TFDP2: variants seen among roughly 807,000 people sequenced by gnomAD.
TFDP2 encodes the protein transcription factor Dp-2 (E2F dimerization partner 2).
In TFDP2, 17 loss-of-function variants were observed where a neutral mutation model predicts 59.3. That is an observed-to-expected ratio of 0.29 (90% CI 0.20 to 0.43). The LOEUF (loss-of-function observed/expected upper bound fraction) is 0.43. Ranked by LOEUF, TFDP2 falls within the 20% of genes least tolerant of loss-of-function variation. The probability of loss-of-function intolerance (pLI) is 1.00; values close to 1 mark genes in which losing one functional copy is unlikely to be tolerated. For synonymous variants in TFDP2, 180 were observed against 194.7 expected (o/e 0.92, Z 0.63); for missense variants, 391 against 528.8 (o/e 0.74, Z 2.56).
intron 3 of TFDP2, among the ~76,000 whole-genome samples, chr3:142,055,396 A>T (rs2059705947): frequency 6.6e-6 from 1 of 152,126 alleles, no homozygotes; most frequent in Non-Finnish European, 1.5e-5. Flanking sequence ...TTCATTAGGG[A>T]TTTGCTGTGT....
At chr3:142,090,460 T>A (rs2060962077) in intron 3 of TFDP2, among the ~76,000 whole-genome samples, 1 of 152,166 alleles carries the variant, frequency 6.6e-6, no homozygotes, top group Admixed American at 6.5e-5. Context: ...GTACTTACCC[T>A]TCAGATGCCT....
intron 3 of TFDP2, among the ~76,000 whole-genome samples, chr3:142,036,482 T>G (rs113304752): frequency 0.018 from 2,720 of 152,364 alleles, 38 homozygotes; most frequent in South Asian, 0.032. Flanking sequence ...CTTTGTAATT[T>G]GCATGTCTGT....
chr3:142,041,053 G>C (rs1233052253), intron 3 of TFDP2, among the ~76,000 whole-genome samples: 1 of 152,140 alleles, frequency 6.6e-6, no homozygotes, highest in Non-Finnish European at 1.5e-5. Context: ...AACTGTAACT[G>C]TGAGTATAAC....
intron 3 of TFDP2, among the ~76,000 whole-genome samples, chr3:142,009,289 A>T (rs1944452238): frequency 6.6e-6 from 1 of 152,188 alleles, no homozygotes; most frequent in African/African-American, 2.4e-5. Context: ...TCCAACCAAG[A>T]TCATAACTCA....
intron 3 of TFDP2, among the ~76,000 whole-genome samples, chr3:142,011,645 C>A (rs202049216): frequency 0.2 from 17,036 of 83,778 alleles, 1,138 homozygotes; most frequent in East Asian, 0.28. Context: ...AAAAAAAAAA[C>A]AACAAACTTT....
At chr3:141,974,677 G>C (rs1940328150) in intron 7 of TFDP2, among the ~76,000 whole-genome samples, 1 of 152,042 alleles carries the variant, frequency 6.6e-6, no homozygotes, top group Non-Finnish European at 1.5e-5. Context: ...GGTATTGGAG[G>C]TAAAGTGTTC....
chr3:142,036,190 T>C (rs571357216), intron 3 of TFDP2, among the ~76,000 whole-genome samples: 2 of 152,218 alleles, frequency 1.3e-5, no homozygotes, highest in Non-Finnish European at 2.9e-5. Context: ...AAATAGATAA[T>C]ACAAGGTCCT....
At chr3:142,070,817 G>A (rs1295638360) in intron 3 of TFDP2, among the ~76,000 whole-genome samples, 1 of 151,982 alleles carries the variant, frequency 6.6e-6, no homozygotes, top group Non-Finnish European at 1.5e-5. Flanking sequence ...TTATATTCTT[G>A]CTCCTGGTAC....
At chr3:142,118,485 CG>C (rs2061923653) in intron 1 of TFDP2, among the ~76,000 whole-genome samples, 1 of 151,820 alleles carries the variant, frequency 6.6e-6, no homozygotes, top group Non-Finnish European at 1.5e-5. Flanking sequence ...GACCTTGAAT[CG>C]GAAGTACAAA....
At position 142,149,302 on chromosome 3, in the gene TFDP2, G is replaced by A. The variant is rs2063301678; in HGVS notation, c.-212C>T. 2 of 395,664 alleles carry A rather than the reference G, an allele frequency of 5.1e-6. No individual in the cohort carries two copies. Among genetic ancestry groups the A allele is most frequent in the Admixed American group, 8.8e-5 (2 of 22,628 alleles). 24.5% of individuals were successfully genotyped at this position (395,664 alleles called of 1,614,324 possible). On this transcript the variant is annotated 5_prime_UTR_variant, in exon 1 of 13. Coordinates refer to ENST00000489671, the MANE Select transcript of TFDP2 (RefSeq NM_001178139.2). ...CTTAGGCGGCGGCCGGGTCCCGGTG[G>A]ACTCACACCCGGGGAGACGCGGCCT...
intron 1 of TFDP2, among the ~76,000 whole-genome samples, chr3:142,114,154 G>A (rs974844481): frequency 2.0e-5 from 3 of 148,258 alleles, no homozygotes; most frequent in Non-Finnish European, 4.4e-5. Flanking sequence ...GACAAAGCGA[G>A]AATCCGTCTC....
intron 1 of TFDP2, among the ~76,000 whole-genome samples, chr3:142,109,064 T>C (rs964591798): frequency 6.6e-6 from 1 of 152,238 alleles, no homozygotes; most frequent in Non-Finnish European, 1.5e-5. Flanking sequence ...ATTTCTGTGA[T>C]AATCAGATTG....
intron 6 of TFDP2, among the ~76,000 whole-genome samples, chr3:141,985,530 A>AC (rs1941993870): frequency 6.6e-6 from 1 of 151,458 alleles, no homozygotes; most frequent in African/African-American, 2.4e-5. Context: ...AAAAAAAAAA[A>AC]AAAAAAAAAA....
At chr3:142,079,170 G>A (rs1398027543) in intron 3 of TFDP2, among the ~76,000 whole-genome samples, 1 of 152,038 alleles carries the variant, frequency 6.6e-6, no homozygotes, top group Admixed American at 6.6e-5. Flanking sequence ...GGGTGTGCTG[G>A]CGGGCACCTG....
chr3:142,045,611 A>G (rs1310220863), intron 3 of TFDP2, among the ~76,000 whole-genome samples: 2 of 81,672 alleles, frequency 2.4e-5, no homozygotes, highest in South Asian at 9.1e-4. Flanking sequence ...GTATTATTTG[A>G]CTTTTTTTTT....
At chr3:142,018,317 A>C (rs1248550435) in intron 3 of TFDP2, among the ~76,000 whole-genome samples, 3 of 152,178 alleles carry the variant, frequency 2.0e-5, no homozygotes, top group Non-Finnish European at 4.4e-5. Flanking sequence ...GCTCCTGAGT[A>C]ATGGAAAAGT....
chr3:142,066,650 A>G (rs959638951), intron 3 of TFDP2, among the ~76,000 whole-genome samples: 3 of 152,160 alleles, frequency 2.0e-5, no homozygotes, highest in Non-Finnish European at 4.4e-5. Context: ...AACCATCGTT[A>G]AGTTGGGGAT....
At chr3:142,130,747 T>C (rs1577053460) in intron 1 of TFDP2, among the ~76,000 whole-genome samples, 1 of 152,040 alleles carries the variant, frequency 6.6e-6, no homozygotes, top group African/African-American at 2.4e-5. Context: ...CACTGAACTG[T>C]GTACTTAAAA....
At chr3:142,082,637 A>C (rs1009536343) in intron 3 of TFDP2, among the ~76,000 whole-genome samples, 4 of 152,144 alleles carry the variant, frequency 2.6e-5, no homozygotes, top group Non-Finnish European at 4.4e-5. Context: ...ATACTACTAA[A>C]CCGTATTCAA....
Sources: allele counts gnomAD v4.1 joint callset (sites outside exome capture counted in the v4.1 genomes callset), GRCh38; gene constraint gnomAD v4.1.1; transcripts MANE v1.5; gene names NCBI Gene and HGNC (gene_info 2026-07-23, HGNC 2026-07-21).